The following RBFOX1 variants were observed in gnomAD, a reference collection of about 807,000 sequenced individuals.
RBFOX1 encodes the protein RNA binding protein fox-1 homolog 1.
A neutral mutation model predicts 57.7 loss-of-function variants in RBFOX1; 8 were observed. The observed-to-expected ratio is 0.14, with a 90% confidence interval of 0.08 to 0.25. The LOEUF is 0.25. RBFOX1 is among the 10% of genes least tolerant of loss of function. The pLI is 1.00. For synonymous variants in RBFOX1, 326 were observed against 222.4 expected (o/e 1.47, Z -4.15); for missense variants, 611 against 548.5 (o/e 1.11, Z -1.14).
intron 2 of RBFOX1, among the ~76,000 whole-genome samples, chr16:5,540,073 G>C (rs952250892): frequency 2.0e-5 from 3 of 152,124 alleles, no homozygotes; most frequent in East Asian, 3.9e-4. Context: ...TTTTCTAAAG[G>C]TAAGAGACAG....
chr16:6,252,529 G>A (rs546685065), intron 1 of RBFOX1, among the ~76,000 whole-genome samples: 3 of 152,146 alleles, frequency 2.0e-5, no homozygotes, highest in Non-Finnish European at 2.9e-5. Flanking sequence ...TCGACCCGAA[G>A]GAATTCCAAA....
intron 3 of RBFOX1, among the ~76,000 whole-genome samples, chr16:6,734,967 G>A (rs1347289949): frequency 1.3e-5 from 2 of 152,074 alleles, no homozygotes; most frequent in Non-Finnish European, 2.9e-5. Context: ...CAGTGAGACT[G>A]TGTTTCTATA....
intron 3 of RBFOX1, among the ~76,000 whole-genome samples, chr16:6,869,315 C>T (rs766711280): frequency 2.0e-5 from 3 of 152,128 alleles, no homozygotes; most frequent in African/African-American, 7.2e-5. Context: ...TTGCCACTGC[C>T]AGATGAAGAA....
chr16:6,884,618 G>A (rs1364660039), intron 3 of RBFOX1, among the ~76,000 whole-genome samples: 1 of 152,092 alleles, frequency 6.6e-6, no homozygotes, highest in Non-Finnish European at 1.5e-5. Flanking sequence ...AACTAAATTG[G>A]CCAGGTGTGG....
intron 1 of RBFOX1, among the ~76,000 whole-genome samples, chr16:5,278,000 C>CT (rs1171473418): frequency 2.6e-5 from 4 of 151,896 alleles, no homozygotes; most frequent in East Asian, 1.9e-4. Context: ...CACTGATATC[C>CT]TTTTTTTTGG....
chr16:7,032,377 G>A (rs1256756771), intron 3 of RBFOX1, among the ~76,000 whole-genome samples: 1 of 152,014 alleles, frequency 6.6e-6, no homozygotes, highest in Non-Finnish European at 1.5e-5. Context: ...CCCAGGAGGT[G>A]GAGGTTGCAG....
At chr16:6,546,049 T>C (rs1443346952) in intron 2 of RBFOX1, among the ~76,000 whole-genome samples, 1 of 152,220 alleles carries the variant, frequency 6.6e-6, no homozygotes, top group Non-Finnish European at 1.5e-5. Flanking sequence ...TAACAATAGC[T>C]GATGAACTAT....
chr16:6,486,660 T>A (rs2095489598), intron 2 of RBFOX1, among the ~76,000 whole-genome samples: 1 of 94,802 alleles, frequency 1.1e-5, no homozygotes, highest in African/African-American at 4.2e-5. Flanking sequence ...AATTTTATTA[T>A]TTTTTTTTTT....
At chr16:6,219,313 C>T (rs896281336) in intron 1 of RBFOX1, among the ~76,000 whole-genome samples, 7 of 151,856 alleles carry the variant, frequency 4.6e-5, no homozygotes, top group Non-Finnish European at 1.0e-4. Context: ...TGCAAAAATA[C>T]GCACACAAAA....
intron 4 of RBFOX1, among the ~76,000 whole-genome samples, chr16:7,309,793 C>T (rs1425371704): frequency 6.6e-6 from 1 of 152,178 alleles, no homozygotes; most frequent in African/African-American, 2.4e-5. Context: ...GTTGCTGACT[C>T]TGTGCCTAAG....
At chr16:5,903,297 C>T (rs1362194937) in intron 4 of RBFOX1, among the ~76,000 whole-genome samples, 1 of 152,204 alleles carries the variant, frequency 6.6e-6, no homozygotes, top group East Asian at 1.9e-4. Flanking sequence ...CATCCTCCCT[C>T]TTGCCCTCCC....
intron 2 of RBFOX1, among the ~76,000 whole-genome samples, chr16:6,632,745 G>T (rs1295350079): frequency 6.6e-6 from 1 of 152,222 alleles, no homozygotes; most frequent in African/African-American, 2.4e-5. Flanking sequence ...AGCTTAAGCA[G>T]CCGCAAGGCC....
intron 4 of RBFOX1, among the ~76,000 whole-genome samples, chr16:6,003,840 C>T (rs1017698001): frequency 6.6e-6 from 1 of 152,194 alleles, no homozygotes; most frequent in South Asian, 2.1e-4. Flanking sequence ...ACTGAGGCCT[C>T]TTGTCAAAGG....
chr16:6,207,590 A>C (rs2097263453), intron 1 of RBFOX1, among the ~76,000 whole-genome samples: 1 of 152,242 alleles, frequency 6.6e-6, no homozygotes, highest in African/African-American at 2.4e-5. Flanking sequence ...CCTAAGAAAC[A>C]GATTGCCATA....
intron 3 of RBFOX1, among the ~76,000 whole-genome samples, chr16:6,949,120 T>A (rs1007475279): frequency 5.3e-5 from 8 of 152,196 alleles, no homozygotes; most frequent in South Asian, 2.1e-4. Flanking sequence ...TGACTTTTTT[T>A]AAAACATGGA....
Position 6,780,311 on chromosome 16 carries a change from ATTTATT to A in RBFOX1, c.-16+125662_-16+125667del, listed in dbSNP as rs1350762695. Among the ~76,000 whole-genome samples the A allele has an allele frequency of 6.0e-4, 37 of 61,556 alleles. 7 individuals are homozygous for A. The highest frequency in any genetic ancestry group is 3.0e-3 in the African/African-American group (35 of 11,684). The allele number at this position is 61,556 out of a possible 152,430, so 40.4% of individuals were successfully genotyped here. On this transcript the variant is annotated intron_variant, in intron 3 of 15. Transcript: ENST00000550418. ...CATATATATATTTATACATATATAT[ATTTATT>A]CATATTTATATATATTTATACATAT...
intron 4 of RBFOX1, among the ~76,000 whole-genome samples, chr16:7,055,118 A>G (rs967016599): frequency 1.3e-5 from 2 of 152,190 alleles, no homozygotes; most frequent in Non-Finnish European, 2.9e-5. Context: ...TTTAGGAAAT[A>G]CCATGTTAAA....
intron 1 of RBFOX1, among the ~76,000 whole-genome samples, chr16:5,435,016 C>T (rs1238976631): frequency 6.6e-6 from 1 of 152,178 alleles, no homozygotes; most frequent in Non-Finnish European, 1.5e-5. Flanking sequence ...ACTGTCCTTG[C>T]CACCCAAGCT....
intron 3 of RBFOX1, among the ~76,000 whole-genome samples, chr16:6,663,852 G>A (rs1413291933): frequency 6.6e-6 from 1 of 152,232 alleles, no homozygotes; most frequent in Non-Finnish European, 1.5e-5. Context: ...AGGGAGTCTG[G>A]AGGTTGAGCA....
Sources: gnomAD v4.1 joint callset for allele counts (sites outside exome capture counted in the v4.1 genomes callset) on GRCh38, gnomAD v4.1.1 for gene constraint, MANE v1.5 for transcripts, NCBI Gene and HGNC (gene_info 2026-07-23, HGNC 2026-07-21) for gene names.